The following RALGPS2 variants were observed in gnomAD, a reference collection of about 807,000 sequenced individuals.
The protein encoded by RALGPS2 is Ral GEF with PH domain and SH3 binding motif 2, also known as ras-specific guanine nucleotide-releasing factor RalGPS2.
Under a neutral mutation model 86.8 loss-of-function variants are expected in RALGPS2, and 43 were observed. That is an observed-to-expected ratio of 0.50 (90% CI 0.39 to 0.64). The LOEUF is 0.64. Among genes scored for constraint, RALGPS2 ranks in the 30% least tolerant of loss-of-function variants. RALGPS2 has a pLI of 0.00. For missense variants in RALGPS2, 536 were observed against 694.6 expected, an observed-to-expected ratio of 0.77 and a Z score of 2.57; for synonymous variants, 243 against 231.3, an observed-to-expected ratio of 1.05 and a Z score of -0.46.
chr1:178,786,774 A>G (rs1219171665), intron 4 of RALGPS2, among the ~76,000 whole-genome samples: 1 of 152,088 alleles, frequency 6.6e-6, no homozygotes, highest in African/African-American at 2.4e-5. Flanking sequence ...AACAAAATAT[A>G]GTGTATTCAT....
chr1:178,769,742 C>G (rs555727430), intron 1 of RALGPS2, among the ~76,000 whole-genome samples: 1 of 152,262 alleles, frequency 6.6e-6, no homozygotes, highest in East Asian at 1.9e-4. Context: ...AGCAGCTCTC[C>G]CCACGCATCC....
chr1:178,875,015 T>C (rs1658939128), intron 8 of RALGPS2, among the ~76,000 whole-genome samples: 1 of 152,124 alleles, frequency 6.6e-6, no homozygotes, highest in African/African-American at 2.4e-5. Context: ...CAAAAATGTG[T>C]CAAGGGAGAA....
At chr1:178,852,768 A>G in intron 8 of RALGPS2, 2 of 1,613,958 alleles carry the variant, frequency 1.2e-6, no homozygotes, top group Non-Finnish European at 1.7e-6. Context: ...TTCCCTGGTA[A>G]GTTCCCAGGC....
intron 8 of RALGPS2, among the ~76,000 whole-genome samples, chr1:178,868,359 A>AT (rs1357208132): frequency 1.3e-5 from 2 of 151,948 alleles, no homozygotes; most frequent in African/African-American, 4.8e-5. Flanking sequence ...TATATATTTA[A>AT]TTTAACTTAC....
chr1:178,887,426 G>A (rs1422079585), intron 13 of RALGPS2, among the ~76,000 whole-genome samples: 1 of 152,146 alleles, frequency 6.6e-6, no homozygotes, highest in Non-Finnish European at 1.5e-5. Context: ...GCACTACCCT[G>A]CCTGGATCAC....
At chr1:178,748,808 G>A (rs189312714) in intron 1 of RALGPS2, among the ~76,000 whole-genome samples, 2,560 of 142,122 alleles carry the variant, frequency 0.018, 25 homozygotes, top group Admixed American at 0.026. Flanking sequence ...CCGAGATTGC[G>A]CCACTGCATT....
At chr1:178,894,961 TTTGA>T (rs1184652825) in intron 16 of RALGPS2, among the ~76,000 whole-genome samples, 1 of 152,008 alleles carries the variant, frequency 6.6e-6, no homozygotes, top group African/African-American at 2.4e-5. Context: ...AAAAATGGAA[TTTGA>T]TTGTGTTTTA....
At position 178,824,788 on chromosome 1, in the gene RALGPS2, G is replaced by A. The variant is rs751285802; in HGVS notation, c.480+3084G>A. Reference sequence around the variant, plus strand: ...CGCGCTACTGCACTCCAGCCTGTGCGACAGAGCAAGACTCTGTCTCAAAAA... The same window carrying A: ...CGCGCTACTGCACTCCAGCCTGTGCAACAGAGCAAGACTCTGTCTCAAAAA... On this transcript the variant is annotated intron_variant, in intron 7 of 19. Transcript: ENST00000367635. Among the ~76,000 whole-genome samples, 15 of 151,522 alleles carry A rather than the reference G, an allele frequency of 9.9e-5. No homozygotes were observed. In the East Asian group the frequency reaches 2.9e-3, roughly 29 times the overall value.
chr1:178,848,362 C>G (rs1038714332), intron 8 of RALGPS2, among the ~76,000 whole-genome samples: 1 of 151,964 alleles, frequency 6.6e-6, no homozygotes, highest in African/African-American at 2.4e-5. Context: ...TAAACCAGCT[C>G]TAAGAGAAGG....
intron 8 of RALGPS2, chr1:178,870,817 T>G (rs1459736273): frequency 6.6e-6 from 1 of 152,192 alleles, no homozygotes; most frequent in Non-Finnish European, 1.5e-5. Context: ...GTGTAGAAGT[T>G]TGTTCATCTG....
At chr1:178,891,888 A>G (rs1659725952) in intron 14 of RALGPS2, among the ~76,000 whole-genome samples, 1 of 148,788 alleles carries the variant, frequency 6.7e-6, no homozygotes, top group Non-Finnish European at 1.5e-5. Context: ...TGGTATAGAA[A>G]CGTAAGAATT....
intron 10 of RALGPS2, chr1:178,879,923 C>T (rs1420740830): frequency 5.9e-5 from 9 of 151,392 alleles, no homozygotes; most frequent in East Asian, 1.9e-4. Context: ...TTTCATCTTT[C>T]GTTGATACAG....
chr1:178,846,228 C>T (rs1309527617), intron 8 of RALGPS2, among the ~76,000 whole-genome samples: 1 of 152,160 alleles, frequency 6.6e-6, no homozygotes, highest in Non-Finnish European at 1.5e-5. Context: ...AAGGCTCTGA[C>T]ACTGATCTCA....
chr1:178,844,475 C>T (rs750519023), intron 8 of RALGPS2, among the ~76,000 whole-genome samples: 4 of 152,090 alleles, frequency 2.6e-5, no homozygotes, highest in South Asian at 2.1e-4. Context: ...AATGTTTTCT[C>T]GGCTCTCAAC....
intron 4 of RALGPS2, among the ~76,000 whole-genome samples, chr1:178,790,152 G>T (rs922754041): frequency 3.9e-5 from 6 of 151,930 alleles, no homozygotes; most frequent in African/African-American, 1.5e-4. Context: ...GGGTCTCGTT[G>T]TGCTGTCCAG....
At chr1:178,734,857 T>C (rs1249963818) in intron 1 of RALGPS2, among the ~76,000 whole-genome samples, 1 of 152,238 alleles carries the variant, frequency 6.6e-6, no homozygotes, top group Non-Finnish European at 1.5e-5. Context: ...ATCTCAGTTA[T>C]GTGAACTATA....
intron 6 of RALGPS2, among the ~76,000 whole-genome samples, chr1:178,815,442 A>C (rs979868540): frequency 6.6e-6 from 1 of 152,068 alleles, no homozygotes; most frequent in Admixed American, 6.6e-5. Context: ...AGTTCTCATA[A>C]GCTTTGCATG....
intron 1 of RALGPS2, among the ~76,000 whole-genome samples, chr1:178,765,285 C>T (rs1179034909): frequency 6.6e-6 from 1 of 151,820 alleles, no homozygotes; most frequent in Non-Finnish European, 1.5e-5. Flanking sequence ...AAATGTCGGC[C>T]AGTCTGAGAA....
chr1:178,823,271 G>C (rs774212781), intron 7 of RALGPS2, among the ~76,000 whole-genome samples: 8 of 152,242 alleles, frequency 5.3e-5, no homozygotes, highest in African/African-American at 9.6e-5. Flanking sequence ...TTATTTATCT[G>C]AATAAAACTT....
Sources: gnomAD v4.1 joint callset for allele counts (sites outside exome capture counted in the v4.1 genomes callset) on GRCh38, gnomAD v4.1.1 for gene constraint, MANE v1.5 for transcripts, NCBI Gene and HGNC (gene_info 2026-07-23, HGNC 2026-07-21) for gene names.